AK2: variants seen among roughly 807,000 people sequenced by gnomAD.
The protein encoded by AK2 is adenylate kinase 2, mitochondrial.
AK2 carries 15 observed loss-of-function variants against 24.6 expected under a neutral mutation model. The observed-to-expected ratio is 0.61, with a 90% CI of 0.41 to 0.94. The LOEUF (loss-of-function observed/expected upper bound fraction) is 0.94, where lower values mean the gene tolerates loss of function less well. Among genes scored for constraint, AK2 ranks in the 40% least tolerant of loss-of-function variants. The pLI is 0.00. For missense variants in AK2, 257 were observed against 304.1 expected, an observed-to-expected ratio of 0.85 and a Z score of 1.15; for synonymous variants, 102 against 114.0, an observed-to-expected ratio of 0.90 and a Z score of 0.67.
intron 2 of AK2, among the ~76,000 whole-genome samples, chr1:33,023,481 T>C (rs1639676278): frequency 6.6e-6 from 1 of 151,914 alleles, no homozygotes. Flanking sequence ...TAGCTACTCA[T>C]CAGGCCGAAG....
chr1:33,016,269 T>C (rs1311435061), intron 4 of AK2, among the ~76,000 whole-genome samples: 1 of 152,194 alleles, frequency 6.6e-6, no homozygotes, highest in Non-Finnish European at 1.5e-5. Context: ...TGGAATACAG[T>C]GGCGCGGTCT....
chr1:33,021,668 C>T lies in AK2; in HGVS notation c.255G>A (p.Lys85=), dbSNP rs41301072. 1.6e-3 allele frequency: 2,584 copies of T among 1,614,104 alleles called. 5 individuals are homozygous for T. Among genetic ancestry groups the T allele is most frequent in the Non-Finnish European group, 1.9e-3 (2,236 of 1,179,954 alleles). The change falls in exon 3 of 6, where the codon AAG becomes AAA. Residue 85 remains lysine (K), a synonymous_variant. Transcript: ENST00000672715. ...SDEMVVELIE[K]NLETPLCKNG... ...TTTTGCACAAGGGGGTCTCCAAATT[C>T]TTCTCAATGAGCTCCACTACCATTT... is the stretch of plus-strand genomic sequence containing the variant.
chr1:33,009,361 G>C lies in AK2; in HGVS notation c.*3820C>G. The C allele has an allele frequency of 2.2e-6, 1 of 454,116 alleles. No individual in the cohort carries two copies. Among genetic ancestry groups the C allele is most frequent in the Non-Finnish European group, 4.4e-6 (1 of 226,798 alleles). The allele number at this position is 454,116 out of a possible 1,614,324, so 28.1% of individuals were successfully genotyped here. On this transcript the variant is annotated 3_prime_UTR_variant, in exon 6 of 6. Coordinates refer to ENST00000672715, the MANE Select transcript of AK2 (RefSeq NM_001625.4). Reference sequence around the variant, plus strand: ...AGGACACACAGAGAAGCAACAAAGAGTGTTAAAGAAGCAACTGAAAAGGTA... The same window carrying C: ...AGGACACACAGAGAAGCAACAAAGACTGTTAAAGAAGCAACTGAAAAGGTA...
chr1:33,027,579 C>T (rs1639974781), intron 1 of AK2, among the ~76,000 whole-genome samples: 1 of 151,990 alleles, frequency 6.6e-6, no homozygotes, highest in African/African-American at 2.4e-5. Flanking sequence ...GAAACCCCGT[C>T]TCTACTAAAA....
At position 33,009,262 on chromosome 1, in the gene AK2, C is replaced by T; in HGVS notation, c.*3919G>A. 1 of 454,014 alleles carries T rather than the reference C, an allele frequency of 2.2e-6. No individual in the cohort carries two copies. The highest frequency in any genetic ancestry group is 1.6e-5 in the South Asian group (1 of 64,466). The allele number at this position is 454,014 out of a possible 1,614,324, so 28.1% of individuals were successfully genotyped here. A position where few individuals can be genotyped will look rare whatever the true frequency, so the allele number is the denominator to read the frequency against. Reference sequence around the variant, plus strand: ...AACCTCACTTGCAAAGGCAGCCCTTCCAAAAACATGAGAGCTTTAGTTTGG... The same window carrying T: ...AACCTCACTTGCAAAGGCAGCCCTTTCAAAAACATGAGAGCTTTAGTTTGG... On this transcript the variant is annotated 3_prime_UTR_variant, in exon 6 of 6. Transcript: ENST00000672715.
chr1:33,032,764 C>A (rs1640322213), intron 1 of AK2, among the ~76,000 whole-genome samples: 1 of 152,058 alleles, frequency 6.6e-6, no homozygotes, highest in Non-Finnish European at 1.5e-5. Context: ...TAAGTATAAA[C>A]CACCAATTTA....
At chr1:33,025,264 A>T (rs1205638194) in intron 1 of AK2, among the ~76,000 whole-genome samples, 1 of 151,934 alleles carries the variant, frequency 6.6e-6, no homozygotes, top group Non-Finnish European at 1.5e-5. Context: ...TTTAAATGAG[A>T]TCATGTATAT....
intron 1 of AK2, among the ~76,000 whole-genome samples, chr1:33,033,379 G>A (rs1214455196): frequency 6.6e-6 from 1 of 152,104 alleles, no homozygotes; most frequent in African/African-American, 2.4e-5. Flanking sequence ...AAGTTAGCCA[G>A]GCATGGTGGC....
chr1:33,013,438 T>C, intron 5 of AK2, 36 bp from the exon 6 acceptor site: 2 of 1,595,660 alleles, frequency 1.3e-6, no homozygotes, highest in Non-Finnish European at 8.5e-7. Context: ...AGGCTGGGAC[T>C]GTTAGCAAGG....
chr1:33,025,998 G>A (rs1639853273), intron 1 of AK2, among the ~76,000 whole-genome samples: 1 of 152,210 alleles, frequency 6.6e-6, no homozygotes. Flanking sequence ...TTATACATGA[G>A]AATGCAGAAT....
Position 33,024,439 on chromosome 1 carries a change from T to C in AK2, c.219+3A>G. The C allele has an allele frequency of 1.9e-6, 3 of 1,613,902 alleles. No homozygotes were observed. Among genetic ancestry groups the C allele is most frequent in the South Asian group, 1.1e-5 (1 of 91,062 alleles). On this transcript the variant is annotated splice_donor_region_variant and intron_variant, in intron 2 of 5. Transcript: ENST00000672715. Reference sequence around the variant, plus strand: ...CAACACTCATTGGTACCACCAAACCTACCAGTTTCCCAGCATCCATAGTTG... The same window carrying C: ...CAACACTCATTGGTACCACCAAACCCACCAGTTTCCCAGCATCCATAGTTG...
In AK2 at chr1:33,012,727, T is replaced by C. The variant is rs1306517596; in HGVS notation, c.*454A>G. 12 of 1,047,184 alleles carry C rather than the reference T, an allele frequency of 1.1e-5. No individual in the cohort carries two copies. Among genetic ancestry groups the C allele is most frequent in the Non-Finnish European group, 1.4e-5 (11 of 770,400 alleles). 64.9% of individuals were successfully genotyped at this position (1,047,184 alleles called of 1,614,324 possible). On this transcript the variant is annotated 3_prime_UTR_variant, in exon 6 of 6. Transcript: ENST00000672715. ...GCCTGGGCAACTTGGCAAAATCCTG[T>C]CTCTACAAAAAATACAAATATCAGC...
In AK2 at chr1:33,012,635, G is replaced by A. The variant is rs1234853505; in HGVS notation, c.*546C>T. 7.0e-6 allele frequency: 9 copies of A among 1,287,898 alleles called. No homozygotes were observed. The highest frequency in any genetic ancestry group is 1.1e-4 in the East Asian group (2 of 18,098). 79.8% of individuals were successfully genotyped at this position (1,287,898 alleles called of 1,614,324 possible). A position where few individuals can be genotyped will look rare whatever the true frequency, so the allele number is the denominator to read the frequency against. ...AGCTGGGCTGGGTGTAGTGGCTCAC[G>A]TCTGTGATCCTGGCACTTCAGGAGG... On this transcript the variant is annotated 3_prime_UTR_variant, in exon 6 of 6. Coordinates refer to ENST00000672715, the MANE Select transcript of AK2 (RefSeq NM_001625.4).
At position 33,009,324 on chromosome 1, in the gene AK2, T is replaced by C. The variant is rs1355654485; in HGVS notation, c.*3857A>G. On this transcript the variant is annotated 3_prime_UTR_variant, in exon 6 of 6. Transcript: ENST00000672715. ...AAGCTCACTTTTGCTGGAGAGGAAA[T>C]GAATTTAAACTAGGACACACAGAGA... The C allele has an allele frequency of 2.2e-6, 1 of 454,008 alleles. No homozygotes were observed. The highest frequency in any genetic ancestry group is 2.3e-5 in the Admixed American group (1 of 42,560). The allele number at this position is 454,008 out of a possible 1,614,324, so 28.1% of individuals were successfully genotyped here.
chr1:33,028,950 A>G (rs892671970), intron 1 of AK2, among the ~76,000 whole-genome samples: 5 of 152,078 alleles, frequency 3.3e-5, no homozygotes, highest in Non-Finnish European at 7.4e-5. Context: ...AGTGGTATAG[A>G]TCTGGGTTAG....
intron 1 of AK2, chr1:33,031,845 G>A (rs1420942417): frequency 8.6e-6 from 3 of 350,102 alleles, no homozygotes; most frequent in African/African-American, 6.4e-5. Flanking sequence ...CATACCTTTG[G>A]TTTTGACCAC....
At chr1:33,027,524 G>C (rs951026818) in intron 1 of AK2, among the ~76,000 whole-genome samples, 1 of 151,984 alleles carries the variant, frequency 6.6e-6, no homozygotes, top group Non-Finnish European at 1.5e-5. Flanking sequence ...GGTGGATCAC[G>C]AGGTCAGGAG....
intron 4 of AK2, among the ~76,000 whole-genome samples, chr1:33,015,312 C>A (rs996478594): frequency 4.6e-5 from 7 of 152,146 alleles, no homozygotes; most frequent in Admixed American, 3.3e-4. Context: ...CAAGAACAGG[C>A]ATTTATTTGG....
At chr1:33,027,266 G>T (rs1264061515) in intron 1 of AK2, among the ~76,000 whole-genome samples, 2 of 152,170 alleles carry the variant, frequency 1.3e-5, no homozygotes, top group Non-Finnish European at 2.9e-5. Flanking sequence ...AAATTAACCT[G>T]GGTAAACAAT....
Sources: allele counts gnomAD v4.1 joint callset (sites outside exome capture counted in the v4.1 genomes callset), GRCh38; gene constraint gnomAD v4.1.1; transcripts MANE v1.5; gene names NCBI Gene and HGNC (gene_info 2026-07-23, HGNC 2026-07-21).